Variants in NRG1 observed in about 807,000 individuals in gnomAD.
NRG1 encodes the protein neuregulin 1, also known as pro-neuregulin-1, membrane-bound isoform.
A neutral mutation model predicts 63.8 loss-of-function variants in NRG1; 18 were observed. That is an observed-to-expected ratio of 0.28 (90% CI 0.19 to 0.42). The LOEUF is 0.42. Ranked by LOEUF, NRG1 falls within the 10% of genes least tolerant of loss-of-function variation. The pLI is 1.00. For synonymous variants in NRG1, 302 were observed against 301.3 expected (o/e 1.00, Z -0.02); for missense variants, 762 against 814.7 (o/e 0.94, Z 0.79).
At chr8:32,544,166 A>T (rs1047399530), upstream of NRG1, among the ~76,000 whole-genome samples, 1 of 152,200 alleles carries the variant, frequency 6.6e-6, no homozygotes, top group African/African-American at 2.4e-5. Context: ...TATGGTGCAG[A>T]TGTTGGAATA....
rs111509160 is a variant in NRG1, at chr8:32,686,370, G to T, written c.503-41579G>T. On this transcript the variant is annotated intron_variant, in intron 5 of 11. Coordinates refer to ENST00000356819, the Ensembl canonical transcript of NRG1. ...TAAAGTTTCCCTGTATCCCATTAGG[G>T]TTGATACATTAAAGAAAGAGTGAGG... Among the ~76,000 whole-genome samples the T allele has an allele frequency of 3.8e-3, 577 of 152,272 alleles. 6 individuals carry two copies. The highest frequency in any genetic ancestry group is 0.013 in the African/African-American group (541 of 41,550).
At chr8:32,419,610 CT>C (rs1341355379) in intron 1 of NRG1, among the ~76,000 whole-genome samples, 4 of 152,154 alleles carry the variant, frequency 2.6e-5, no homozygotes, top group African/African-American at 9.6e-5. Context: ...GTTTATAGTT[CT>C]TTCAAAGTCT....
rs530546084 is a variant in NRG1, at chr8:32,380,308, TG to T, written c.38-215518del. ...ACCATCTCCTCGTAGATTCTTCTTC[TG>T]GAATACTTTTGCCAGTTCTTCTGTC... On this transcript the variant is annotated intron_variant, in intron 1 of 10. Coordinates refer to the NRG1 transcript ENST00000519301. Among the ~76,000 whole-genome samples the T allele has an allele frequency of 2.9e-3, 447 of 152,296 alleles. 1 individual carries two copies. Among genetic ancestry groups the T allele is most frequent in the Non-Finnish European group, 5.3e-3 (360 of 68,024 alleles).
chr8:32,770,022 G>C (rs887000449), downstream of NRG1, among the ~76,000 whole-genome samples: 3 of 152,172 alleles, frequency 2.0e-5, no homozygotes, highest in African/African-American at 7.2e-5. Flanking sequence ...AAGAGACAGA[G>C]AATGGGATAA....
intron 5 of NRG1, among the ~76,000 whole-genome samples, chr8:32,663,626 T>G (rs529260389): frequency 5.9e-5 from 9 of 152,184 alleles, no homozygotes; most frequent in Non-Finnish European, 1.0e-4. Flanking sequence ...TTGTTCCACA[T>G]ATTATATCTT....
chr8:31,901,307 G>A (rs117898057), intron 1 of NRG1, among the ~76,000 whole-genome samples: 2,797 of 152,246 alleles, frequency 0.018, 43 homozygotes, highest in Non-Finnish European at 0.027. Context: ...ATGTAAGCCT[G>A]TTTTGGGGTC....
chr8:31,776,140 G>T (rs1227142054), intron 1 of NRG1, among the ~76,000 whole-genome samples: 1 of 152,146 alleles, frequency 6.6e-6, no homozygotes, highest in Non-Finnish European at 1.5e-5. Flanking sequence ...TTTAGGTTTT[G>T]TCATTTTGTG....
intron 1 of NRG1, among the ~76,000 whole-genome samples, chr8:32,172,095 C>A (rs76702246): frequency 6.6e-6 from 1 of 152,188 alleles, no homozygotes; most frequent in South Asian, 2.1e-4. Flanking sequence ...GAGGCACCCC[C>A]CAGTAGGGGC....
intron 1 of NRG1, among the ~76,000 whole-genome samples, chr8:31,934,727 G>T (rs1377673630): frequency 4.0e-5 from 6 of 151,710 alleles, no homozygotes; most frequent in African/African-American, 9.7e-5. Context: ...TGTGTTTCAG[G>T]GTCTCAACTC....
At chr8:32,380,671 C>G (rs185457948) in intron 1 of NRG1, among the ~76,000 whole-genome samples, 2 of 152,298 alleles carry the variant, frequency 1.3e-5, no homozygotes, top group East Asian at 3.9e-4. Flanking sequence ...CTGAATTATT[C>G]CTTTTTACTT....
intron 6 of NRG1, chr8:32,728,524 A>C (rs1425868785): frequency 5.1e-6 from 5 of 985,324 alleles, no homozygotes; most frequent in Non-Finnish European, 6.0e-6. Context: ...AGAAGGGCAG[A>C]AGATTATTTA....
At chr8:32,161,466 G>T (rs891867646) in intron 1 of NRG1, among the ~76,000 whole-genome samples, 2 of 151,844 alleles carry the variant, frequency 1.3e-5, no homozygotes, top group Non-Finnish European at 2.9e-5. Flanking sequence ...TAGAATATTG[G>T]AGCATCCTCG....
intron 1 of NRG1, among the ~76,000 whole-genome samples, chr8:32,268,021 T>C (rs1851163240): frequency 1.3e-5 from 2 of 152,200 alleles, no homozygotes; most frequent in South Asian, 4.1e-4. Context: ...GATTCCATGG[T>C]TATCTTATGT....
intron 1 of NRG1, among the ~76,000 whole-genome samples, chr8:31,959,503 G>A (rs771024392): frequency 1.2e-3 from 186 of 152,234 alleles, no homozygotes; most frequent in Non-Finnish European, 1.8e-3. Context: ...TGCTGAATGG[G>A]GAGAGGTTTA....
chr8:32,518,914 G>T (rs1489012777), intron 1 of NRG1, among the ~76,000 whole-genome samples: 1 of 152,120 alleles, frequency 6.6e-6, no homozygotes, highest in Non-Finnish European at 1.5e-5. Context: ...TTAACTAGTA[G>T]ACTACTGGAT....
intron 1 of NRG1, among the ~76,000 whole-genome samples, chr8:31,750,697 A>G (rs1204736562): frequency 2.0e-5 from 3 of 151,958 alleles, no homozygotes; most frequent in Admixed American, 1.3e-4. Context: ...ACAAGTGACT[A>G]TCTACATTTT....
At chr8:32,481,425 A>G (rs2347489) in intron 1 of NRG1, among the ~76,000 whole-genome samples, 94,514 of 151,862 alleles carry the variant, frequency 0.62, 29,635 homozygotes, top group East Asian at 0.79. Flanking sequence ...CACATAGTTG[A>G]AGTTGACATT....
chr8:32,470,030 A>ATTTT (rs71208185), intron 1 of NRG1, among the ~76,000 whole-genome samples: 24 of 132,646 alleles, frequency 1.8e-4, no homozygotes, highest in African/African-American at 2.8e-4. Flanking sequence ...CGCCCAGCTA[A>ATTTT]TTTTTTTTTT....
chr8:31,705,862 C>G (rs1400043876), intron 1 of NRG1, among the ~76,000 whole-genome samples: 1 of 152,132 alleles, frequency 6.6e-6, no homozygotes, highest in Non-Finnish European at 1.5e-5. Context: ...TAATCTAATG[C>G]CCAAGTAAAA....
Sources: gnomAD v4.1 joint callset for allele counts (sites outside exome capture counted in the v4.1 genomes callset) on GRCh38, gnomAD v4.1.1 for gene constraint, MANE v1.5 for transcripts, NCBI Gene and HGNC (gene_info 2026-07-23, HGNC 2026-07-21) for gene names.